The following RALGPS1 variants were observed in gnomAD, a reference collection of about 807,000 sequenced individuals.
RALGPS1 encodes the protein Ral GEF with PH domain and SH3 binding motif 1.
Under a neutral mutation model 78.8 loss-of-function variants are expected in RALGPS1, and 19 were observed. That is an observed-to-expected ratio of 0.24 (90% CI 0.17 to 0.35). The LOEUF is 0.35. Ranked by LOEUF, RALGPS1 falls within the 10% of genes least tolerant of loss-of-function variation. RALGPS1 has a pLI of 1.00. For missense variants in RALGPS1, 454 were observed against 688.3 expected (o/e 0.66, Z 3.81); for synonymous variants, 228 against 256.3 (o/e 0.89, Z 1.06).
At chr9:126,941,472 T>TA (rs1029506717) in intron 1 of RALGPS1, among the ~76,000 whole-genome samples, 2 of 151,906 alleles carry the variant, frequency 1.3e-5, no homozygotes, top group African/African-American at 2.4e-5. Context: ...AAAATAAGTG[T>TA]AAAAAAAAGA....
intron 1 of RALGPS1, among the ~76,000 whole-genome samples, chr9:126,936,287 C>A (rs1010943192): frequency 6.6e-6 from 1 of 152,200 alleles, no homozygotes; most frequent in African/African-American, 2.4e-5. Flanking sequence ...TTCATACTTG[C>A]AGCTGTGGCG....
intron 9 of RALGPS1, among the ~76,000 whole-genome samples, chr9:127,166,475 C>G (rs568879474): frequency 6.6e-6 from 1 of 152,136 alleles, no homozygotes; most frequent in Non-Finnish European, 1.5e-5. Flanking sequence ...TAGTGAGTGG[C>G]AGAGCTCAGG....
chr9:127,187,022 C>T (rs1447969177), intron 11 of RALGPS1, among the ~76,000 whole-genome samples: 3 of 152,090 alleles, frequency 2.0e-5, no homozygotes, highest in South Asian at 4.2e-4. Context: ...CAGGAAGGGC[C>T]GAAGAAGTTA....
At chr9:126,927,262 T>A (rs2035369048) in intron 1 of RALGPS1, among the ~76,000 whole-genome samples, 1 of 152,166 alleles carries the variant, frequency 6.6e-6, no homozygotes, top group Admixed American at 6.5e-5. Flanking sequence ...TCAGGAAGGC[T>A]GTGTGGTAGT....
At chr9:126,937,605 TC>T (rs368298429) in intron 1 of RALGPS1, among the ~76,000 whole-genome samples, 1 of 152,338 alleles carries the variant, frequency 6.6e-6, no homozygotes, top group African/African-American at 2.4e-5. Flanking sequence ...TTGCCACTCT[TC>T]CATCCATAGC....
intron 3 of RALGPS1, among the ~76,000 whole-genome samples, chr9:126,971,252 A>G (rs2132445751): frequency 6.6e-6 from 1 of 152,194 alleles, no homozygotes; most frequent in African/African-American, 2.4e-5. Context: ...TTAAAACTAA[A>G]ATTTAGGAAA....
intron 8 of RALGPS1, among the ~76,000 whole-genome samples, chr9:127,131,988 A>G (rs1473738853): frequency 6.6e-6 from 1 of 152,318 alleles, no homozygotes; most frequent in East Asian, 1.9e-4. Flanking sequence ...AGTTCACATG[A>G]GGCCCTTGCT....
At chr9:127,117,669 G>T (rs1170987226) in intron 8 of RALGPS1, among the ~76,000 whole-genome samples, 2 of 152,230 alleles carry the variant, frequency 1.3e-5, no homozygotes, top group Non-Finnish European at 2.9e-5. Flanking sequence ...AGAGAAGCTT[G>T]TTTGCTTGAG....
chr9:127,043,671 A>G (rs2047511990), intron 5 of RALGPS1, among the ~76,000 whole-genome samples: 1 of 152,198 alleles, frequency 6.6e-6, no homozygotes, highest in South Asian at 2.1e-4. Context: ...TAAAAGACTT[A>G]CCACAGATTG....
chr9:126,948,035 G>A (rs890674462), intron 1 of RALGPS1, among the ~76,000 whole-genome samples: 5 of 152,020 alleles, frequency 3.3e-5, no homozygotes, highest in Admixed American at 1.3e-4. Flanking sequence ...TTATATCCCT[G>A]TATATCCACA....
chr9:126,972,549 T>A (rs1057416761), intron 3 of RALGPS1, among the ~76,000 whole-genome samples: 3 of 152,198 alleles, frequency 2.0e-5, no homozygotes, highest in Non-Finnish European at 2.9e-5. Context: ...GTGTGCCTCC[T>A]GATGAAGCAG....
intron 8 of RALGPS1, among the ~76,000 whole-genome samples, chr9:127,120,905 A>T (rs1429550941): frequency 6.6e-6 from 1 of 151,830 alleles, no homozygotes; most frequent in African/African-American, 2.4e-5. Flanking sequence ...GTTTGTAATC[A>T]TCAGTGACCA....
chr9:127,179,775 C>A (rs982615033), intron 11 of RALGPS1, among the ~76,000 whole-genome samples: 1 of 152,222 alleles, frequency 6.6e-6, no homozygotes, highest in East Asian at 1.9e-4. Flanking sequence ...ATGTGCCGGG[C>A]GGTCTCTCTG....
intron 4 of RALGPS1, among the ~76,000 whole-genome samples, chr9:127,011,759 G>A (rs1464220859): frequency 2.6e-5 from 4 of 152,112 alleles, no homozygotes; most frequent in East Asian, 1.9e-4. Context: ...CTGAAAATCC[G>A]AGCATAAAAA....
intron 13 of RALGPS1, among the ~76,000 whole-genome samples, chr9:127,197,297 G>A (rs1488416316): frequency 6.6e-6 from 1 of 152,152 alleles, no homozygotes; most frequent in African/African-American, 2.4e-5. Context: ...GAGGACAGGT[G>A]GGCACCGCCC....
At chr9:127,182,452 C>T (rs1275646646) in intron 11 of RALGPS1, among the ~76,000 whole-genome samples, 23 of 124,544 alleles carry the variant, frequency 1.8e-4, no homozygotes, top group Middle Eastern at 4.4e-3. Context: ...TTTTTTTTGA[C>T]GGAGTCTCGC....
chr9:127,083,769 G>T (rs1193788125), intron 8 of RALGPS1, among the ~76,000 whole-genome samples: 1 of 152,174 alleles, frequency 6.6e-6, no homozygotes, highest in Non-Finnish European at 1.5e-5. Context: ...GGTCTTTGAG[G>T]TGCTAGGCAT....
At chr9:127,019,555 C>T (rs1173671101) in intron 4 of RALGPS1, among the ~76,000 whole-genome samples, 1 of 152,142 alleles carries the variant, frequency 6.6e-6, no homozygotes, top group Non-Finnish European at 1.5e-5. Context: ...TCTCGATCTC[C>T]AGACCTTGTG....
At chr9:126,964,834 A>C (rs974048671) in intron 2 of RALGPS1, among the ~76,000 whole-genome samples, 1 of 152,214 alleles carries the variant, frequency 6.6e-6, no homozygotes, top group Non-Finnish European at 1.5e-5. Flanking sequence ...GAAGATTACA[A>C]AGTTTTTCCA....
Sources: gnomAD v4.1 joint callset for allele counts (sites outside exome capture counted in the v4.1 genomes callset) on GRCh38, gnomAD v4.1.1 for gene constraint, MANE v1.5 for transcripts, NCBI Gene and HGNC (gene_info 2026-07-23, HGNC 2026-07-21) for gene names.